The following ZNF683 variants were observed in gnomAD, a reference collection of about 807,000 sequenced individuals.
ZNF683 encodes tissue-resident T-cell transcription regulator protein ZNF683.
ZNF683 carries 20 observed loss-of-function variants against 31.4 expected under a neutral mutation model. The ratio of observed to expected loss-of-function variants is 0.64; its 90% CI spans 0.45 to 0.93. ZNF683 has a LOEUF of 0.93. Among genes scored for constraint, ZNF683 ranks in the 40% least tolerant of loss-of-function variants. The pLI, the probability that ZNF683 is intolerant of heterozygous loss-of-function variation, is 0.00. For synonymous variants in ZNF683, 264 were observed against 267.6 expected (o/e 0.99, Z 0.13); for missense variants, 621 against 637.2 (o/e 0.97, Z 0.27).
intron 1 of ZNF683, 120 bp from the exon 2 acceptor site, chr1:26,368,705 G>T: frequency 8.3e-7 from 1 of 1,211,530 alleles, no homozygotes; most frequent in Non-Finnish European, 1.1e-6. Flanking sequence ...TCCCTTCCTG[G>T]ACTCAGTTTC....
At chr1:26,370,964 G>T (rs142852102) in intron 1 of ZNF683, among the ~76,000 whole-genome samples, 1 of 152,128 alleles carries the variant, frequency 6.6e-6, no homozygotes, top group Admixed American at 6.6e-5. Flanking sequence ...TGAGGGGGGC[G>T]GGCTGTTATT....
At chr1:26,368,384 C>G in intron 2 of ZNF683, 74 bp downstream of exon 2, 1 of 1,456,844 alleles carries the variant, frequency 6.9e-7, no homozygotes, top group East Asian at 2.6e-5. Context: ...TCAGACGTTC[C>G]CCTTTTTCCT....
chr1:26,365,301 C>G (rs1395124816), intron 3 of ZNF683, 75 bp from the exon 4 acceptor site: 7 of 1,429,552 alleles, frequency 4.9e-6, no homozygotes, highest in African/African-American at 1.4e-5. Context: ...ACCTGCCCTG[C>G]TCGGGGCTGA....
chr1:26,364,834 T>C lies in ZNF683; in HGVS notation c.712A>G (p.Met238Val). 1 of 1,573,566 alleles carries C rather than the reference T, an allele frequency of 6.4e-7. No homozygotes were observed. Among genetic ancestry groups the C allele is most frequent in the Admixed American group, 1.8e-5 (1 of 55,158 alleles). The part of the protein sequence containing the change: ...YPTMAMPSLL[M>V]MVNELGHPSA... ...GGGTGCCCCAGCTCATTGACCATCA[T>C]CAGCAGGCTAGGCATAGCCATGGTG... is the stretch of plus-strand genomic sequence containing the variant. Residue 238 changes from methionine to valine, a missense_variant, in exon 4 of 6, where the codon ATG (methionine) becomes GTG (valine). Met to Val is a conservative substitution (Grantham distance 21). Coordinates refer to ENST00000349618, the MANE Select transcript of ZNF683 (RefSeq NM_001114759.3).
chr1:26,366,161 CA>C (rs1490210283), intron 3 of ZNF683, among the ~76,000 whole-genome samples: 3 of 151,778 alleles, frequency 2.0e-5, no homozygotes, highest in African/African-American at 7.3e-5. Context: ...GCCTGGGCAA[CA>C]AAAGCGAAAC....
intron 3 of ZNF683, among the ~76,000 whole-genome samples, chr1:26,366,342 CAAAAAAAA>C (rs1173737722): frequency 9.7e-4 from 67 of 68,998 alleles, no homozygotes; most frequent in Middle Eastern, 8.9e-3. Flanking sequence ...CAGCCTATCT[CAAAAAAAA>C]AAAAAAAAAA....
chr1:26,362,993 T>C, intron 5 of ZNF683, 33 bp downstream of exon 5: 3 of 1,586,846 alleles, frequency 1.9e-6, no homozygotes, highest in Non-Finnish European at 2.6e-6. Flanking sequence ...CTCCAGCCTA[T>C]AGGAGTACAT....
intron 3 of ZNF683, 30 bp from the exon 4 acceptor site, chr1:26,365,256 C>T (rs1334101972): frequency 5.2e-6 from 8 of 1,550,110 alleles, no homozygotes; most frequent in Non-Finnish European, 7.0e-6. Flanking sequence ...CGGTCAGATC[C>T]CCACAGTCTG....
intron 1 of ZNF683, among the ~76,000 whole-genome samples, chr1:26,369,524 C>T (rs1216955845): frequency 3.6e-5 from 5 of 139,368 alleles, no homozygotes; most frequent in Non-Finnish European, 6.1e-5. Flanking sequence ...ATAAATTAGC[C>T]GGGTGTGGTG....
rs1360124840 is a variant in ZNF683, at chr1:26,363,105, C to T, written c.1064G>A (p.Cys355Tyr). Residue 355 changes from cysteine (C) to tyrosine (Y), a missense_variant, in exon 5 of 6, where the codon TGC becomes TAC. Transcript: ENST00000349618. The stretch of plus-strand genomic sequence containing the variant: ...GGCAAGTTGAGTGAAGCTCTTCTGG[C>T]ACAAGGCACACTGGAATGGACGCTC... ...SGERPFQCALCQKSFTQLAHL... is the reference protein window; with the variant it reads ...SGERPFQCALYQKSFTQLAHL... 2 of 1,612,622 alleles carry T rather than the reference C, an allele frequency of 1.2e-6. No individual in the cohort carries two copies. Among genetic ancestry groups the T allele is most frequent in the Non-Finnish European group, 8.5e-7 (1 of 1,179,376 alleles).
intron 1 of ZNF683, among the ~76,000 whole-genome samples, chr1:26,369,923 G>A (rs1489005620): frequency 6.6e-6 from 1 of 152,130 alleles, no homozygotes; most frequent in Non-Finnish European, 1.5e-5. Flanking sequence ...GAGCCTGGAA[G>A]GTTGTGGCTG....
At position 26,364,912 on chromosome 1, in the gene ZNF683, G is replaced by A. The variant is rs773043651; in HGVS notation, c.634C>T (p.Pro212Ser). ...PPHLFTYGAL[P>S]SDQCPHLLML... Reference sequence around the variant, plus strand: ...AGGAGGTGGGGACATTGGTCAGAAGGTAGGGCCCCATAGGTGAACAGGTGG... The same window carrying A: ...AGGAGGTGGGGACATTGGTCAGAAGATAGGGCCCCATAGGTGAACAGGTGG... Residue 212 changes from proline (P) to serine (S), a missense_variant, in exon 4 of 6, where the codon CCT (proline) becomes TCT (serine). By Grantham distance (74) the Pro-to-Ser change is moderately conservative (BLOSUM62 -1). Coordinates refer to ENST00000349618, the MANE Select transcript of ZNF683 (RefSeq NM_001114759.3). 3.2e-6 allele frequency: 5 copies of A among 1,547,120 alleles called. No homozygotes were observed. The highest frequency in any genetic ancestry group is 4.3e-6 in the Non-Finnish European group (5 of 1,149,972).
intron 4 of ZNF683, among the ~76,000 whole-genome samples, chr1:26,363,710 G>A (rs1364921596): frequency 3.4e-5 from 5 of 147,702 alleles, no homozygotes; most frequent in Non-Finnish European, 5.9e-5. Context: ...TGAGACCAGC[G>A]TGGGCGACAG....
chr1:26,366,342 C>CA (rs1173737722), intron 3 of ZNF683, among the ~76,000 whole-genome samples: 7,562 of 67,958 alleles, frequency 0.11, 424 homozygotes, highest in Non-Finnish European at 0.13. Context: ...CAGCCTATCT[C>CA]AAAAAAAAAA....
Position 26,364,809 on chromosome 1 carries a change from G to C in ZNF683, c.737C>G (p.Pro246Arg). The change falls in exon 4 of 6, where the codon CCC (proline) becomes CGC (arginine). Residue 246 changes from proline (P) to arginine (R), a missense_variant. Physicochemically the swap from Pro to Arg is moderately radical, Grantham distance 103. Transcript: ENST00000349618. The part of the protein sequence containing the change: ...LLMMVNELGH[P>R]SARWETLLPY... ...AAGCAGGGTCTCCCACCGAGCGCTG[G>C]GGTGCCCCAGCTCATTGACCATCAT... 2 of 1,282,592 alleles carry C rather than the reference G, an allele frequency of 1.6e-6. No homozygotes were observed. The highest frequency in any genetic ancestry group is 2.1e-6 in the Non-Finnish European group (2 of 953,948). 79.5% of individuals were successfully genotyped at this position (1,282,592 alleles called of 1,614,324 possible). A position where few individuals can be genotyped will look rare whatever the true frequency, so the allele number is the denominator to read the frequency against.
intron 3 of ZNF683, among the ~76,000 whole-genome samples, chr1:26,365,734 A>T (rs1370184737): frequency 1.3e-5 from 2 of 152,234 alleles, no homozygotes; most frequent in South Asian, 2.1e-4. Flanking sequence ...GTACTAAAAT[A>T]AAAAACCTGT....
chr1:26,370,296 C>A (rs1396783864), intron 1 of ZNF683, among the ~76,000 whole-genome samples: 1 of 152,168 alleles, frequency 6.6e-6, no homozygotes, highest in Admixed American at 6.5e-5. Context: ...GGCTGCCCAG[C>A]TCAGCGCTCT....
At position 26,361,782 on chromosome 1, in the gene ZNF683, C is replaced by A. The variant is rs760875172; in HGVS notation, c.1384G>T (p.Ala462Ser). 1 of 1,614,062 alleles carries A rather than the reference C, an allele frequency of 6.2e-7. No homozygotes were observed. The highest frequency in any genetic ancestry group is 8.5e-7 in the Non-Finnish European group (1 of 1,179,904). Reference sequence around the variant, plus strand: ...TCATAGCCCATGTGTTTCTCAGATGCCACCGCCATAAGATCTAGTGCCCCC... The same window carrying A: ...TCATAGCCCATGTGTTTCTCAGATGACACCGCCATAAGATCTAGTGCCCCC... ...HQGALDLMAV[A>S]SEKHMGYDID... The change falls in exon 6 of 6, where the codon GCA becomes TCA. Residue 462 changes from alanine to serine, a missense_variant. Coordinates refer to ENST00000349618, the MANE Select transcript of ZNF683 (RefSeq NM_001114759.3).
At chr1:26,365,338 T>TA in intron 3 of ZNF683, 112 bp from the exon 4 acceptor site, 1 of 1,151,494 alleles carries the variant, frequency 8.7e-7, no homozygotes, top group South Asian at 1.6e-5. Flanking sequence ...GCGAGCCTGC[T>TA]AGCATTTCTG....
Sources: allele counts gnomAD v4.1 joint callset (sites outside exome capture counted in the v4.1 genomes callset), GRCh38; gene constraint gnomAD v4.1.1; transcripts MANE v1.5; gene names NCBI Gene and HGNC (gene_info 2026-07-23, HGNC 2026-07-21).